Variants in GRM8 observed in about 807,000 individuals in gnomAD.
The protein encoded by GRM8 is metabotropic glutamate receptor 8.
A neutral mutation model predicts 87.2 loss-of-function variants in GRM8; 47 were observed. That is an observed-to-expected ratio of 0.54 (90% CI 0.43 to 0.69). The LOEUF (loss-of-function observed/expected upper bound fraction) is 0.69. Among genes scored for constraint, GRM8 ranks in the 30% least tolerant of loss-of-function variants. The pLI is 0.00. For synonymous variants in GRM8, 396 were observed against 404.5 expected (o/e 0.98, Z 0.25); for missense variants, 1,019 against 1,139.2 (o/e 0.89, Z 1.52).
chr7:126,848,942 C>T (rs1796955275), intron 6 of GRM8, among the ~76,000 whole-genome samples: 1 of 152,112 alleles, frequency 6.6e-6, no homozygotes, highest in African/African-American at 2.4e-5. Flanking sequence ...TGGTGGAAGG[C>T]AAGGAGGAGT....
intron 2 of GRM8, among the ~76,000 whole-genome samples, chr7:127,193,291 A>C (rs1307009347): frequency 6.6e-6 from 1 of 152,212 alleles, no homozygotes; most frequent in Non-Finnish European, 1.5e-5. Flanking sequence ...ATAAATGAGA[A>C]TGTAAAAGCC....
chr7:127,233,966 T>C (rs1563598373), intron 2 of GRM8, among the ~76,000 whole-genome samples: 1 of 152,150 alleles, frequency 6.6e-6, no homozygotes, highest in Admixed American at 6.5e-5. Context: ...TGTTTGGGGA[T>C]AGGAAAAGCC....
At chr7:126,505,016 A>G (rs565539313) in intron 9 of GRM8, among the ~76,000 whole-genome samples, 4 of 152,194 alleles carry the variant, frequency 2.6e-5, no homozygotes, top group African/African-American at 9.6e-5. Flanking sequence ...GGAGGGCTTC[A>G]ATTGCACAGT....
At chr7:127,185,235 T>C (rs1587225537) in intron 2 of GRM8, among the ~76,000 whole-genome samples, 1 of 151,964 alleles carries the variant, frequency 6.6e-6, no homozygotes, top group Non-Finnish European at 1.5e-5. Flanking sequence ...ATCAAGGCAA[T>C]GTCGTATTAG....
At chr7:126,717,311 G>C (rs1341173806) in intron 7 of GRM8, among the ~76,000 whole-genome samples, 3 of 152,178 alleles carry the variant, frequency 2.0e-5, no homozygotes, top group Admixed American at 6.5e-5. Context: ...TGACTGACAG[G>C]AAGGTCGAGG....
At chr7:127,028,512 C>T (rs535080194) in intron 3 of GRM8, among the ~76,000 whole-genome samples, 1 of 152,228 alleles carries the variant, frequency 6.6e-6, no homozygotes, top group South Asian at 2.1e-4. Context: ...AATTTCAGAA[C>T]CTGTTATTGG....
chr7:126,985,645 G>C (rs899425832), intron 3 of GRM8, among the ~76,000 whole-genome samples: 4 of 152,174 alleles, frequency 2.6e-5, no homozygotes, highest in African/African-American at 7.2e-5. Context: ...TCTCTGTGGG[G>C]TCTCAAGGCA....
At chr7:126,754,507 AT>A (rs1233561249) in intron 7 of GRM8, among the ~76,000 whole-genome samples, 1 of 151,912 alleles carries the variant, frequency 6.6e-6, no homozygotes, top group East Asian at 1.9e-4. Context: ...CTCAAATGTC[AT>A]TTGGTTTATC....
intron 7 of GRM8, among the ~76,000 whole-genome samples, chr7:126,706,288 T>C (rs1246811024): frequency 2.6e-5 from 4 of 152,128 alleles, no homozygotes; most frequent in Non-Finnish European, 5.9e-5. Context: ...CACATTATTA[T>C]GGTGACTGAC....
chr7:126,684,123 G>A (rs1481663937), intron 7 of GRM8, among the ~76,000 whole-genome samples: 1 of 152,112 alleles, frequency 6.6e-6, no homozygotes, highest in Non-Finnish European at 1.5e-5. Context: ...TAAATGGAAG[G>A]AAGAACGTGA....
At chr7:126,572,630 A>G (rs773812288) in intron 8 of GRM8, among the ~76,000 whole-genome samples, 1 of 152,230 alleles carries the variant, frequency 6.6e-6, no homozygotes. Context: ...GAATAAAGCT[A>G]TCTATAAGAC....
intron 3 of GRM8, among the ~76,000 whole-genome samples, chr7:126,999,917 C>T (rs1813556918): frequency 6.6e-6 from 1 of 151,798 alleles, no homozygotes; most frequent in African/African-American, 2.4e-5. Context: ...ATCAGTATAT[C>T]AAAGGGATAG....
chr7:126,801,794 A>G (rs1384299574), intron 6 of GRM8, among the ~76,000 whole-genome samples: 12 of 152,136 alleles, frequency 7.9e-5, no homozygotes, highest in Non-Finnish European at 1.3e-4. Context: ...CTAGTTGCAG[A>G]GGGAAGAGAG....
At chr7:127,151,833 C>G (rs952178377) in intron 2 of GRM8, among the ~76,000 whole-genome samples, 1 of 152,036 alleles carries the variant, frequency 6.6e-6, no homozygotes, top group Non-Finnish European at 1.5e-5. Context: ...AGATGTTACA[C>G]TTTTCTTCTC....
intron 9 of GRM8, among the ~76,000 whole-genome samples, chr7:126,485,286 C>G (rs923619931): frequency 8.2e-5 from 12 of 146,636 alleles, no homozygotes; most frequent in African/African-American, 3.1e-4. Flanking sequence ...GTTCAGCTAA[C>G]AGTTTCCCAA....
At chr7:126,566,345 C>T (rs547872384) in intron 8 of GRM8, among the ~76,000 whole-genome samples, 1 of 152,192 alleles carries the variant, frequency 6.6e-6, no homozygotes, top group South Asian at 2.1e-4. Flanking sequence ...ACTAACCCAA[C>T]TTAAAATATA....
chr7:127,213,194 A>C (rs1480852589), intron 2 of GRM8, among the ~76,000 whole-genome samples: 1 of 152,202 alleles, frequency 6.6e-6, no homozygotes, highest in Non-Finnish European at 1.5e-5. Flanking sequence ...AATGCCTGGA[A>C]CTTCACTCAA....
intron 9 of GRM8, among the ~76,000 whole-genome samples, chr7:126,510,026 T>C (rs1811096945): frequency 6.6e-6 from 1 of 151,860 alleles, no homozygotes; most frequent in African/African-American, 2.4e-5. Flanking sequence ...AAAGGTAAAA[T>C]TGTCTGCAAG....
At chr7:126,698,343 T>C (rs1359552170) in intron 7 of GRM8, among the ~76,000 whole-genome samples, 1 of 152,136 alleles carries the variant, frequency 6.6e-6, no homozygotes, top group Non-Finnish European at 1.5e-5. Flanking sequence ...TTGTTCTATT[T>C]TCTACCATTT....
Sources: allele counts gnomAD v4.1 joint callset (sites outside exome capture counted in the v4.1 genomes callset), GRCh38; gene constraint gnomAD v4.1.1; transcripts MANE v1.5; gene names NCBI Gene and HGNC (gene_info 2026-07-23, HGNC 2026-07-21).